Variants in ANO3 observed in about 807,000 individuals in gnomAD.
The protein encoded by ANO3 is anoctamin-3.
Under a neutral mutation model 144.8 loss-of-function variants are expected in ANO3, and 99 were observed. The ratio of observed to expected loss-of-function variants is 0.68; its 90% CI spans 0.58 to 0.81. ANO3 has a LOEUF of 0.81. Ranked by LOEUF, ANO3 falls within the 30% of genes least tolerant of loss-of-function variation. The pLI is 0.00. For synonymous variants in ANO3, 414 were observed against 392.6 expected (o/e 1.05, Z -0.64); for missense variants, 905 against 1,202.2 (o/e 0.75, Z 3.66).
At chr11:26,293,576 T>TATATATATATATATATA (rs1854016890) in intron 1 of ANO3, among the ~76,000 whole-genome samples, 1 of 138,020 alleles carries the variant, frequency 7.2e-6, no homozygotes, top group Admixed American at 7.3e-5. Context: ...TATATATATA[T>TATATATATATATATATA]TCCTGTTGTT....
Position 26,508,159 on chromosome 11 carries a change from GAATT to G in ANO3, c.489_492del (p.Asp165ThrfsTer27). 1 of 1,597,598 alleles carries G rather than the reference GAATT, an allele frequency of 6.3e-7. No individual in the cohort carries two copies. Among genetic ancestry groups the G allele is most frequent in the Non-Finnish European group, 8.5e-7 (1 of 1,175,368 alleles). On this transcript the variant is annotated frameshift_variant, in exon 5 of 27. Coordinates refer to ENST00000256737, the MANE Select transcript of ANO3 (RefSeq NM_031418.4). LOFTEE classifies it high-confidence loss of function. ...CCTCTGTTCAAAGATGGCAAAAAGA[GAATT>G]GATTACATCTTGGTTTATAGAAAGA...
intron 13 of ANO3, among the ~76,000 whole-genome samples, chr11:26,554,305 CCT>C (rs1565100041): frequency 6.6e-6 from 1 of 151,426 alleles, no homozygotes; most frequent in Non-Finnish European, 1.5e-5. Flanking sequence ...ATATCTATAC[CCT>C]GTTTGTTTAT....
At chr11:26,539,299 A>G (rs898955268) in intron 10 of ANO3, among the ~76,000 whole-genome samples, 7 of 152,110 alleles carry the variant, frequency 4.6e-5, no homozygotes, top group African/African-American at 1.7e-4. Context: ...GAGTGTACGT[A>G]ATACTTCAGA....
chr11:26,248,720 A>AT (rs747390793), intron 1 of ANO3, among the ~76,000 whole-genome samples: 3 of 152,182 alleles, frequency 2.0e-5, no homozygotes, highest in South Asian at 2.1e-4. Context: ...AATATACTGT[A>AT]TTTTTTTGTT....
rs1404658264 is a variant in ANO3 at position 26,486,337 on chromosome 11, G to T, written c.433-21767G>T. Among the ~76,000 whole-genome samples the T allele has an allele frequency of 1.7e-4, 24 of 141,460 alleles. No homozygotes were observed. In the Admixed American group the frequency reaches 1.8e-3, roughly 11 times the overall value. The allele number at this position is 141,460 out of a possible 152,430, so 92.8% of individuals were successfully genotyped here. The stretch of plus-strand genomic sequence containing the variant: ...GGTCATGCCACTGCACTCCAGTCTG[G>T]GCGACAGAGTGAGACTCTGTCTCAA... On this transcript the variant is annotated intron_variant, in intron 4 of 26. Coordinates refer to ENST00000256737, the MANE Select transcript of ANO3 (RefSeq NM_031418.4).
chr11:26,359,401 C>T (rs1156349208), intron 1 of ANO3, among the ~76,000 whole-genome samples: 3 of 152,150 alleles, frequency 2.0e-5, no homozygotes, highest in Non-Finnish European at 4.4e-5. Context: ...GCACCATGTA[C>T]AGTACAGCAA....
chr11:26,423,481 T>C (rs1590346543), intron 1 of ANO3, among the ~76,000 whole-genome samples: 1 of 151,730 alleles, frequency 6.6e-6, no homozygotes, highest in South Asian at 2.1e-4. Flanking sequence ...CTTGAAAAAA[T>C]AATTGATAAT....
intron 1 of ANO3, among the ~76,000 whole-genome samples, chr11:26,341,285 T>C (rs888157457): frequency 2.6e-5 from 4 of 152,122 alleles, no homozygotes; most frequent in African/African-American, 9.7e-5. Context: ...GTGTATTAGG[T>C]TTGTGTTTCC....
intron 1 of ANO3, among the ~76,000 whole-genome samples, chr11:26,267,852 A>G (rs138986189): frequency 7.8e-4 from 118 of 152,156 alleles, no homozygotes; most frequent in Non-Finnish European, 1.5e-3. Flanking sequence ...TTCTCTCTAC[A>G]TAACTTTCTT....
chr11:26,501,975 A>T (rs10834989), intron 4 of ANO3, among the ~76,000 whole-genome samples: 1 of 151,464 alleles, frequency 6.6e-6, no homozygotes, highest in Non-Finnish European at 1.5e-5. Flanking sequence ...ATCTTGTAAC[A>T]ACTCATTAAG....
chr11:26,294,118 A>G (rs1854032024), intron 1 of ANO3, among the ~76,000 whole-genome samples: 1 of 152,182 alleles, frequency 6.6e-6, no homozygotes, highest in African/African-American at 2.4e-5. Context: ...CGGTGGAAAT[A>G]AAATACGTTT....
At chr11:26,247,982 C>G (rs747734699) in intron 1 of ANO3, among the ~76,000 whole-genome samples, 11 of 151,834 alleles carry the variant, frequency 7.2e-5, no homozygotes, top group African/African-American at 2.7e-4. Flanking sequence ...CCGCCCGCCT[C>G]GGCCTCCCAA....
At chr11:26,330,551 G>A (rs1195398239), upstream of ANO3, among the ~76,000 whole-genome samples, 1 of 152,126 alleles carries the variant, frequency 6.6e-6, no homozygotes, top group Non-Finnish European at 1.5e-5. Context: ...TCCTCCCACT[G>A]AGAGTAGAAT....
intron 14 of ANO3, among the ~76,000 whole-genome samples, chr11:26,562,852 A>T (rs1850347745): frequency 6.6e-6 from 1 of 151,896 alleles, no homozygotes. Flanking sequence ...AATTTTATAC[A>T]TATGTTTAGA....
chr11:26,528,562 G>A (rs1014971429), intron 7 of ANO3, among the ~76,000 whole-genome samples: 1 of 152,298 alleles, frequency 6.6e-6, no homozygotes, highest in South Asian at 2.1e-4. Flanking sequence ...TAGCCTGTCA[G>A]CATTTTCTAA....
intron 1 of ANO3, among the ~76,000 whole-genome samples, chr11:26,411,865 C>A (rs555976899): frequency 6.6e-5 from 10 of 152,086 alleles, no homozygotes; most frequent in Non-Finnish European, 1.2e-4. Flanking sequence ...CTTCCTCCCC[C>A]ACAGACTCTA....
At chr11:26,510,877 C>T (rs549078111) in intron 5 of ANO3, among the ~76,000 whole-genome samples, 5 of 152,298 alleles carry the variant, frequency 3.3e-5, no homozygotes, top group East Asian at 1.9e-4. Flanking sequence ...GGTCCTGTTC[C>T]GCTTTTAAAG....
chr11:26,544,753 A>G (rs1449663171), intron 11 of ANO3, among the ~76,000 whole-genome samples: 2 of 152,002 alleles, frequency 1.3e-5, no homozygotes, highest in African/African-American at 4.8e-5. Flanking sequence ...GTTCTCATCT[A>G]TAGAAGACAT....
At chr11:26,559,593 A>G (rs1348009417) in intron 13 of ANO3, 126 bp from the exon 14 acceptor site, 5 of 681,396 alleles carry the variant, frequency 7.3e-6, no homozygotes, top group Non-Finnish European at 1.3e-5. Flanking sequence ...CATATATAAT[A>G]TTTCTGTACT....
Sources: gnomAD v4.1 joint callset for allele counts (sites outside exome capture counted in the v4.1 genomes callset) on GRCh38, gnomAD v4.1.1 for gene constraint, MANE v1.5 for transcripts, NCBI Gene and HGNC (gene_info 2026-07-23, HGNC 2026-07-21) for gene names.